Variants in SEMA3E observed in about 807,000 individuals in gnomAD.
The protein encoded by SEMA3E is semaphorin-3E.
SEMA3E carries 49 observed loss-of-function variants against 93.6 expected under a neutral mutation model. The ratio of observed to expected loss-of-function variants is 0.52; its 90% CI spans 0.42 to 0.66. The LOEUF (loss-of-function observed/expected upper bound fraction) is 0.66. Ranked by LOEUF, SEMA3E falls within the 30% of genes least tolerant of loss-of-function variation. The pLI is 0.00. For missense variants in SEMA3E, 906 were observed against 964.8 expected (o/e 0.94, Z 0.81); for synonymous variants, 363 against 330.7 (o/e 1.10, Z -1.06).
chr7:83,528,304 G>C (rs1443622019), intron 1 of SEMA3E, among the ~76,000 whole-genome samples: 2 of 152,032 alleles, frequency 1.3e-5, no homozygotes, highest in Admixed American at 1.3e-4. Context: ...AAAATCACAA[G>C]TGTAGCAACC....
intron 1 of SEMA3E, among the ~76,000 whole-genome samples, chr7:83,536,879 C>A (rs2115746899): frequency 6.6e-6 from 1 of 152,036 alleles, no homozygotes; most frequent in South Asian, 2.1e-4. Flanking sequence ...AATTGTGTCC[C>A]CACAAATTTT....
intron 16 of SEMA3E, among the ~76,000 whole-genome samples, chr7:83,379,311 T>C (rs1011641194): frequency 7.9e-5 from 12 of 151,418 alleles, no homozygotes; most frequent in Non-Finnish European, 1.8e-4. Flanking sequence ...ACTATTTGGG[T>C]GATGGGTACA....
intron 1 of SEMA3E, among the ~76,000 whole-genome samples, chr7:83,522,583 T>C (rs1791071768): frequency 6.6e-6 from 1 of 152,098 alleles, no homozygotes; most frequent in African/African-American, 2.4e-5. Flanking sequence ...TTACCAGTGT[T>C]TCCTGAGATC....
intron 1 of SEMA3E, among the ~76,000 whole-genome samples, chr7:83,617,529 A>AAATTTTATATAAATAATATAT (rs1201686026): frequency 1.4e-5 from 2 of 145,170 alleles, no homozygotes; most frequent in Non-Finnish European, 3.1e-5. Context: ...AATTTTATAT[A>AAATTTTATATAAATAATATAT]AATTTTATAT....
intron 1 of SEMA3E, among the ~76,000 whole-genome samples, chr7:83,526,209 C>A (rs1376276755): frequency 1.3e-5 from 2 of 151,990 alleles, no homozygotes; most frequent in East Asian, 3.9e-4. Flanking sequence ...CAATTTACAC[C>A]ATGGAGGTCG....
chr7:83,569,794 G>A (rs1161650572), intron 1 of SEMA3E, among the ~76,000 whole-genome samples: 1 of 152,102 alleles, frequency 6.6e-6, no homozygotes, highest in East Asian at 1.9e-4. Context: ...ACACCCCAGT[G>A]ACAGCGTTAA....
At chr7:83,578,103 G>C (rs1327866732) in intron 1 of SEMA3E, among the ~76,000 whole-genome samples, 3 of 151,466 alleles carry the variant, frequency 2.0e-5, no homozygotes, top group Admixed American at 6.6e-5. Flanking sequence ...GATTTGGTGA[G>C]AGAATATATT....
chr7:83,434,142 C>G (rs184024377), intron 4 of SEMA3E, among the ~76,000 whole-genome samples: 82 of 152,130 alleles, frequency 5.4e-4, no homozygotes, highest in Middle Eastern at 6.8e-3. Flanking sequence ...ATTTTAAATT[C>G]TAACAACACA....
intron 9 of SEMA3E, among the ~76,000 whole-genome samples, chr7:83,405,150 C>A (rs940821826): frequency 6.6e-6 from 1 of 151,542 alleles, no homozygotes; most frequent in South Asian, 2.1e-4. Context: ...ATCTTACAAA[C>A]TGTATGTGAA....
At chr7:83,640,599 C>T (rs1793987800) in intron 1 of SEMA3E, among the ~76,000 whole-genome samples, 1 of 152,070 alleles carries the variant, frequency 6.6e-6, no homozygotes, top group South Asian at 2.1e-4. Flanking sequence ...TTTTCAATAC[C>T]TAGTAAGTTT....
chr7:83,474,505 G>A (rs900124254), intron 2 of SEMA3E, among the ~76,000 whole-genome samples: 1 of 152,094 alleles, frequency 6.6e-6, no homozygotes, highest in Admixed American at 6.6e-5. Context: ...CACAGTTTTG[G>A]CATATAAACT....
At chr7:83,484,162 T>C (rs886962687) in intron 2 of SEMA3E, among the ~76,000 whole-genome samples, 6 of 152,212 alleles carry the variant, frequency 3.9e-5, no homozygotes, top group East Asian at 1.9e-4. Context: ...CTATCAGATA[T>C]GGTGGTGGCT....
intron 4 of SEMA3E, among the ~76,000 whole-genome samples, chr7:83,433,268 T>C (rs1177700400): frequency 6.6e-6 from 1 of 152,072 alleles, no homozygotes; most frequent in Non-Finnish European, 1.5e-5. Flanking sequence ...AATGTAAATG[T>C]AATATATATA....
intron 1 of SEMA3E, among the ~76,000 whole-genome samples, chr7:83,640,421 T>C (rs189694041): frequency 6.6e-6 from 1 of 152,300 alleles, no homozygotes; most frequent in East Asian, 1.9e-4. Context: ...CTCTCTCCTG[T>C]GCAGTGCCCT....
At chr7:83,529,617 AG>A (rs1293690069) in intron 1 of SEMA3E, among the ~76,000 whole-genome samples, 6 of 152,146 alleles carry the variant, frequency 3.9e-5, no homozygotes, top group Non-Finnish European at 5.9e-5. Context: ...GACTTTAGCT[AG>A]TCTATCCAGG....
At chr7:83,407,822 T>C (rs1385281246) in intron 6 of SEMA3E, among the ~76,000 whole-genome samples, 1 of 152,148 alleles carries the variant, frequency 6.6e-6, no homozygotes, top group Non-Finnish European at 1.5e-5. Context: ...CTATGCATTT[T>C]AAAGCTTAAT....
chr7:83,576,777 C>T (rs1018969254), intron 1 of SEMA3E, among the ~76,000 whole-genome samples: 1 of 152,032 alleles, frequency 6.6e-6, no homozygotes, highest in East Asian at 1.9e-4. Flanking sequence ...AGTCACGTGC[C>T]ACCACGCCAG....
chr7:83,640,680 G>A (rs1793990158), intron 1 of SEMA3E, among the ~76,000 whole-genome samples: 1 of 152,142 alleles, frequency 6.6e-6, no homozygotes, highest in South Asian at 2.1e-4. Flanking sequence ...AACAAATATT[G>A]AAGGTACACA....
At chr7:83,404,084 C>G (rs760015870) in intron 9 of SEMA3E, among the ~76,000 whole-genome samples, 2 of 151,890 alleles carry the variant, frequency 1.3e-5, no homozygotes, top group Non-Finnish European at 2.9e-5. Flanking sequence ...TATAAATTCA[C>G]TGAATTATCA....
Sources: allele counts gnomAD v4.1 joint callset (sites outside exome capture counted in the v4.1 genomes callset), GRCh38; gene constraint gnomAD v4.1.1; transcripts MANE v1.5; gene names NCBI Gene and HGNC (gene_info 2026-07-23, HGNC 2026-07-21).